Variants in MTUS2 observed in about 807,000 individuals in gnomAD.
MTUS2 encodes the protein microtubule associated scaffold protein 2, also known as microtubule-associated tumor suppressor candidate 2.
MTUS2 carries 40 observed loss-of-function variants against 114.1 expected under a neutral mutation model. That is an observed-to-expected ratio of 0.35 (90% CI 0.27 to 0.46). The LOEUF is 0.46. Ranked by LOEUF, MTUS2 falls within the 20% of genes least tolerant of loss-of-function variation. The probability of loss-of-function intolerance (pLI) is 1.00; values close to 1 mark genes in which losing one functional copy is unlikely to be tolerated. For synonymous variants in MTUS2, 688 were observed against 672.0 expected, an observed-to-expected ratio of 1.02 and a Z score of -0.37; for missense variants, 1,679 against 1,705.4, an observed-to-expected ratio of 0.98 and a Z score of 0.27.
At chr13:28,899,386 C>G (rs887847533) in intron 2 of MTUS2, among the ~76,000 whole-genome samples, 1 of 152,104 alleles carries the variant, frequency 6.6e-6, no homozygotes, top group Non-Finnish European at 1.5e-5. Context: ...AAGGCAAATG[C>G]GAAGCTGTAA....
At chr13:29,492,414 C>T (rs928388945) in intron 11 of MTUS2, among the ~76,000 whole-genome samples, 1 of 151,718 alleles carries the variant, frequency 6.6e-6, no homozygotes, top group Non-Finnish European at 1.5e-5. Flanking sequence ...TATCTGCCCC[C>T]ATCTTCTTTT....
At chr13:28,991,437 TG>T (rs1011075011) in intron 2 of MTUS2, among the ~76,000 whole-genome samples, 2 of 151,472 alleles carry the variant, frequency 1.3e-5, no homozygotes, top group Non-Finnish European at 2.9e-5. Context: ...GGTGCGATCT[TG>T]GCTCACTGCA....
intron 5 of MTUS2, among the ~76,000 whole-genome samples, chr13:29,137,856 A>C (rs563044355): frequency 6.7e-6 from 1 of 149,866 alleles, no homozygotes; most frequent in Admixed American, 6.7e-5. Flanking sequence ...AATCTACCCC[A>C]TATATATGGT....
At chr13:29,373,013 A>G (rs9578092) in intron 8 of MTUS2, among the ~76,000 whole-genome samples, 30,973 of 152,170 alleles carry the variant, frequency 0.2, 3,256 homozygotes, top group Middle Eastern at 0.25. Flanking sequence ...AGTGGTGAAC[A>G]TACAAGTTTT....
At chr13:29,396,421 G>A (rs1873921114) in intron 8 of MTUS2, among the ~76,000 whole-genome samples, 1 of 152,188 alleles carries the variant, frequency 6.6e-6, no homozygotes, top group African/African-American at 2.4e-5. Context: ...AGTAATATGT[G>A]TTGAATAAAT....
chr13:28,937,190 A>C (rs981051519), intron 2 of MTUS2, among the ~76,000 whole-genome samples: 19 of 152,160 alleles, frequency 1.2e-4, no homozygotes, highest in African/African-American at 4.6e-4. Context: ...AAATGCACCA[A>C]TCAGCACTCT....
At chr13:28,898,185 C>T (rs201472173) in intron 2 of MTUS2, among the ~76,000 whole-genome samples, 26 of 152,002 alleles carry the variant, frequency 1.7e-4, no homozygotes, top group Admixed American at 5.9e-4. Flanking sequence ...TTAAAAAATT[C>T]GTAGGTATTT....
At chr13:29,419,155 C>T (rs1875893179) in intron 8 of MTUS2, among the ~76,000 whole-genome samples, 1 of 152,126 alleles carries the variant, frequency 6.6e-6, no homozygotes, top group Admixed American at 6.5e-5. Context: ...TCCAGTAGTT[C>T]CTTTGGAATG....
At chr13:28,896,588 T>C (rs1326846263) in intron 2 of MTUS2, among the ~76,000 whole-genome samples, 1 of 152,118 alleles carries the variant, frequency 6.6e-6, no homozygotes, top group Non-Finnish European at 1.5e-5. Context: ...GAGCCCTCAT[T>C]GCCAAGTCAA....
intron 15 of MTUS2, among the ~76,000 whole-genome samples, chr13:29,501,596 G>A (rs1349555873): frequency 2.0e-5 from 3 of 152,160 alleles, no homozygotes; most frequent in Admixed American, 6.5e-5. Context: ...GTGGGGCCAC[G>A]CTCTGAGGTG....
chr13:29,464,036 G>T (rs1879713912), intron 9 of MTUS2, among the ~76,000 whole-genome samples: 1 of 152,242 alleles, frequency 6.6e-6, no homozygotes, highest in Non-Finnish European at 1.5e-5. Flanking sequence ...GATGTTGGCT[G>T]GTGGAGATGG....
chr13:29,352,104 C>A (rs1178803339), intron 7 of MTUS2, among the ~76,000 whole-genome samples: 1 of 152,178 alleles, frequency 6.6e-6, no homozygotes, highest in Admixed American at 6.5e-5. Context: ...CCTTCCCCAG[C>A]GTTTTCTAAA....
chr13:28,876,996 A>G (rs1877975075), intron 2 of MTUS2, among the ~76,000 whole-genome samples: 1 of 152,100 alleles, frequency 6.6e-6, no homozygotes, highest in South Asian at 2.1e-4. Flanking sequence ...TGAACTTTAA[A>G]AAATACTTAT....
chr13:28,986,786 C>T (rs1473140476), intron 2 of MTUS2, among the ~76,000 whole-genome samples: 1 of 152,114 alleles, frequency 6.6e-6, no homozygotes, highest in Admixed American at 6.5e-5. Context: ...CACTAGGGAG[C>T]CACTGGTCCC....
chr13:29,480,080 A>G lies in MTUS2; in HGVS notation c.3185-70A>G, dbSNP rs1467257547. ...TTACGCCAGCCTTGATGATCTGACC[A>G]TGGAGGCTGAGTCCTTCCCATGCCT... On this transcript the variant is annotated intron_variant, in intron 9 of 15. Coordinates refer to ENST00000612955, the MANE Select transcript of MTUS2 (RefSeq NM_001033602.4). This position sits in a 1 kb window ranked among gnomAD's most constrained non-coding sequence, Gnocchi z 4.4. 7 of 1,464,788 alleles carry G rather than the reference A, an allele frequency of 4.8e-6. No individual in the cohort carries two copies. The highest frequency in any genetic ancestry group is 6.5e-6 in the Non-Finnish European group (7 of 1,073,958). The allele number at this position is 1,464,788 out of a possible 1,614,324, so 90.7% of individuals were successfully genotyped here.
chr13:29,008,735 T>C (rs910136694), intron 2 of MTUS2, among the ~76,000 whole-genome samples: 1 of 152,214 alleles, frequency 6.6e-6, no homozygotes. Flanking sequence ...ATGTGATTTA[T>C]TTTAAGTCTT....
At chr13:29,411,602 TA>T (rs1875244143) in intron 8 of MTUS2, among the ~76,000 whole-genome samples, 1 of 152,250 alleles carries the variant, frequency 6.6e-6, no homozygotes, top group Non-Finnish European at 1.5e-5. Flanking sequence ...TCTAACTCCA[TA>T]AAACACAGAT....
At chr13:29,405,976 C>T (rs934612125) in intron 8 of MTUS2, among the ~76,000 whole-genome samples, 5 of 152,014 alleles carry the variant, frequency 3.3e-5, no homozygotes, top group Admixed American at 6.6e-5. Context: ...CCTGACCTCA[C>T]ATGATCCGCC....
chr13:28,845,510 C>T (rs1286960050), intron 2 of MTUS2, among the ~76,000 whole-genome samples: 1 of 152,146 alleles, frequency 6.6e-6, no homozygotes, highest in African/African-American at 2.4e-5. Context: ...ATTCTTTCAG[C>T]AGCACAGAGA....
Sources: allele counts gnomAD v4.1 joint callset (sites outside exome capture counted in the v4.1 genomes callset), GRCh38; gene constraint gnomAD v4.1.1; non-coding constraint Gnocchi (gnomAD v3.1); transcripts MANE v1.5; gene names NCBI Gene and HGNC (gene_info 2026-07-23, HGNC 2026-07-21).